The following B3GALT1 variants were observed in gnomAD, a reference collection of about 807,000 sequenced individuals.
B3GALT1 encodes the protein beta-1,3-galactosyltransferase 1, also known as UDP-Gal:betaGlcNAc beta 1,3-galactosyltransferase, polypeptide 1.
B3GALT1 carries 10 observed loss-of-function variants against 23.2 expected under a neutral mutation model. The observed-to-expected ratio is 0.43, with a 90% CI of 0.27 to 0.73. The LOEUF (loss-of-function observed/expected upper bound fraction) is 0.73. B3GALT1 is among the 30% of genes least tolerant of loss of function. The probability of loss-of-function intolerance (pLI) is 0.21; values close to 1 mark genes in which losing one functional copy is unlikely to be tolerated. For missense variants in B3GALT1, 299 were observed against 405.4 expected (o/e 0.74, Z 2.25); for synonymous variants, 156 against 141.5 (o/e 1.10, Z -0.73).
intron 3 of B3GALT1, among the ~76,000 whole-genome samples, chr2:167,710,345 A>G (rs1448583380): frequency 6.6e-6 from 1 of 152,252 alleles, no homozygotes; most frequent in East Asian, 1.9e-4. Flanking sequence ...GTCAATCCAC[A>G]GAATTTTTAA....
At chr2:167,403,069 C>T (rs1380490512) in intron 1 of B3GALT1, among the ~76,000 whole-genome samples, 1 of 150,650 alleles carries the variant, frequency 6.6e-6, no homozygotes, top group African/African-American at 2.4e-5. Flanking sequence ...GGTACATGTG[C>T]ACAACGTGCA....
intron 1 of B3GALT1, among the ~76,000 whole-genome samples, chr2:167,362,716 C>A (rs1302995412): frequency 1.3e-5 from 2 of 151,566 alleles, no homozygotes; most frequent in African/African-American, 4.8e-5. Flanking sequence ...TCCTTTTTTG[C>A]TCGTTTCTTA....
At position 167,618,744 on chromosome 2, in the gene B3GALT1, A is replaced by G. The variant is rs188298220; in HGVS notation, c.-409-28165A>G. Reference sequence around the variant, plus strand: ...GAAGAATACAGGTCATTTATTTTGTATTAATAGAATGTCTCTCAGAGTTAG... The same window carrying G: ...GAAGAATACAGGTCATTTATTTTGTGTTAATAGAATGTCTCTCAGAGTTAG... On this transcript the variant is annotated intron_variant, in intron 2 of 4. Coordinates refer to ENST00000392690, the MANE Select transcript of B3GALT1 (RefSeq NM_020981.4). Among the ~76,000 whole-genome samples the G allele has an allele frequency of 3.8e-3, 580 of 152,110 alleles. 3 individuals are homozygous for G. The highest frequency in any genetic ancestry group is 0.013 in the African/African-American group (557 of 41,554).
At chr2:167,616,655 A>G (rs1050277688) in intron 2 of B3GALT1, among the ~76,000 whole-genome samples, 4 of 152,102 alleles carry the variant, frequency 2.6e-5, no homozygotes, top group African/African-American at 7.2e-5. Context: ...AGATCACGCC[A>G]TTACACTACA....
intron 1 of B3GALT1, among the ~76,000 whole-genome samples, chr2:167,346,686 A>G (rs1452061142): frequency 6.6e-6 from 1 of 151,800 alleles, no homozygotes; most frequent in Non-Finnish European, 1.5e-5. Flanking sequence ...GTGTAAAACT[A>G]CCATCACATA....
rs191176553 is a variant in B3GALT1, at chr2:167,837,073, A to G, written c.-230+18280A>G. Among the ~76,000 whole-genome samples the G allele has an allele frequency of 7.7e-4, 117 of 152,378 alleles. 1 individual carries two copies. The highest frequency in any genetic ancestry group is 6.8e-3 in the Middle Eastern group (2 of 294). On this transcript the variant is annotated intron_variant, in intron 4 of 4. Transcript: ENST00000392690. ...AACCGGTAACAGCTGCTGCAAAATC[A>G]TGCCAAAATGTAAAGACCATCGAGG...
intron 3 of B3GALT1, among the ~76,000 whole-genome samples, chr2:167,666,237 A>G (rs916955074): frequency 1.3e-5 from 2 of 152,156 alleles, no homozygotes; most frequent in African/African-American, 4.8e-5. Context: ...TAGGTTGTTC[A>G]GTTTCCATGT....
intron 2 of B3GALT1, among the ~76,000 whole-genome samples, chr2:167,511,655 G>T (rs1197221976): frequency 6.6e-6 from 1 of 152,040 alleles, no homozygotes; most frequent in African/African-American, 2.4e-5. Flanking sequence ...TTTTTGCATA[G>T]ATTTTTTTTT....
At chr2:167,753,580 G>A (rs984681774) in intron 3 of B3GALT1, among the ~76,000 whole-genome samples, 1 of 152,048 alleles carries the variant, frequency 6.6e-6, no homozygotes, top group African/African-American at 2.4e-5. Flanking sequence ...TGTCCCCACA[G>A]CCACCTCATT....
intron 3 of B3GALT1, among the ~76,000 whole-genome samples, chr2:167,801,429 T>C (rs1196998040): frequency 6.6e-6 from 1 of 152,250 alleles, no homozygotes; most frequent in African/African-American, 2.4e-5. Flanking sequence ...TTGAGTCTTA[T>C]ATTTGTGATG....
intron 2 of B3GALT1, among the ~76,000 whole-genome samples, chr2:167,589,554 A>G (rs1684639787): frequency 6.6e-6 from 1 of 152,134 alleles, no homozygotes; most frequent in Admixed American, 6.5e-5. Context: ...AACATTTGTT[A>G]AATAATCTAC....
At chr2:167,594,896 ACT>A (rs1371238395) in intron 2 of B3GALT1, among the ~76,000 whole-genome samples, 2 of 151,664 alleles carry the variant, frequency 1.3e-5, no homozygotes, top group African/African-American at 2.4e-5. Context: ...AAAGGGTGAG[ACT>A]CTGTCTCAAA....
chr2:167,464,633 C>G (rs1293367356), intron 1 of B3GALT1, among the ~76,000 whole-genome samples: 2 of 152,060 alleles, frequency 1.3e-5, no homozygotes, highest in Non-Finnish European at 2.9e-5. Flanking sequence ...ATTAAAAACT[C>G]AGCTTTTCTG....
chr2:167,408,527 T>A (rs1214042145), intron 1 of B3GALT1, among the ~76,000 whole-genome samples: 1 of 151,888 alleles, frequency 6.6e-6, no homozygotes, highest in African/African-American at 2.4e-5. Context: ...GAGCAATTAG[T>A]CAAGATAAAG....
At chr2:167,784,385 T>TA (rs1379186391) in intron 3 of B3GALT1, among the ~76,000 whole-genome samples, 5 of 152,152 alleles carry the variant, frequency 3.3e-5, no homozygotes, top group African/African-American at 1.2e-4. Flanking sequence ...ATCGAGGTAG[T>TA]AAAAGAATAG....
intron 1 of B3GALT1, among the ~76,000 whole-genome samples, chr2:167,400,744 T>C (rs1254618254): frequency 1.3e-5 from 2 of 152,066 alleles, no homozygotes; most frequent in Non-Finnish European, 2.9e-5. Context: ...GTGTGACAAT[T>C]TGGCCATCTT....
chr2:167,327,000 T>C (rs1036302247), intron 1 of B3GALT1, among the ~76,000 whole-genome samples: 2 of 152,106 alleles, frequency 1.3e-5, no homozygotes, highest in East Asian at 3.9e-4. Context: ...GCAGTACCAT[T>C]TATTGAAGAG....
At chr2:167,596,235 T>C (rs748157911) in intron 2 of B3GALT1, among the ~76,000 whole-genome samples, 12 of 152,358 alleles carry the variant, frequency 7.9e-5, no homozygotes, top group Non-Finnish European at 1.6e-4. Context: ...GGTCATTTGC[T>C]GAGTGTGCCA....
intron 1 of B3GALT1, among the ~76,000 whole-genome samples, chr2:167,435,954 AACACACACACACAC>A (rs66661618): frequency 1.0e-4 from 14 of 139,300 alleles, no homozygotes; most frequent in Admixed American, 4.3e-4. Context: ...CACACACACA[AACACACACACACAC>A]ACACACACAC....
Sources: gnomAD v4.1 joint callset for allele counts (sites outside exome capture counted in the v4.1 genomes callset) on GRCh38, gnomAD v4.1.1 for gene constraint, MANE v1.5 for transcripts, NCBI Gene and HGNC (gene_info 2026-07-23, HGNC 2026-07-21) for gene names.